ARB2A: variants seen among roughly 807,000 people sequenced by gnomAD.
The protein encoded by ARB2A is cotranscriptional regulator ARB2A.
chr5:93,788,482 T>C, the ARB2A span, among the ~76,000 whole-genome samples: 1 of 152,156 alleles, frequency 6.6e-6, no homozygotes, highest in Non-Finnish European at 1.5e-5. Context: ...CGCACCATGC[T>C]TTCTCTAAGG....
chr5:93,816,292 T>A, the ARB2A span, among the ~76,000 whole-genome samples: 1 of 152,274 alleles, frequency 6.6e-6, no homozygotes, highest in South Asian at 2.1e-4. Flanking sequence ...CTGAAATGTG[T>A]TTTTCTACAT....
the ARB2A span, among the ~76,000 whole-genome samples, chr5:93,775,135 A>G: frequency 4.6e-5 from 7 of 152,152 alleles, no homozygotes; most frequent in Admixed American, 3.9e-4. Context: ...GACTTATAAA[A>G]TTCAGCTGTA....
the ARB2A span, among the ~76,000 whole-genome samples, chr5:94,064,527 T>C: frequency 6.6e-6 from 1 of 152,172 alleles, no homozygotes; most frequent in Admixed American, 6.5e-5. Flanking sequence ...TAAAAAGATC[T>C]TCTCCATCAC....
At chr5:94,027,890 C>T in the ARB2A span, among the ~76,000 whole-genome samples, 4,943 of 152,038 alleles carry the variant, frequency 0.033, 132 homozygotes, top group East Asian at 0.13. Flanking sequence ...TGGGACTGAG[C>T]CCTCAATCTG....
chr5:93,963,177 C>T, the ARB2A span, among the ~76,000 whole-genome samples: 1 of 151,866 alleles, frequency 6.6e-6, no homozygotes, highest in African/African-American at 2.4e-5. Flanking sequence ...CCTGACTTTC[C>T]AGAAGACCAA....
the ARB2A span, among the ~76,000 whole-genome samples, chr5:93,695,039 C>T: frequency 6.6e-6 from 1 of 152,128 alleles, no homozygotes; most frequent in African/African-American, 2.4e-5. Context: ...AAAATTAACT[C>T]AAGATGGATT....
chr5:93,981,585 C>T, the ARB2A span, among the ~76,000 whole-genome samples: 1 of 151,856 alleles, frequency 6.6e-6, no homozygotes, highest in Non-Finnish European at 1.5e-5. Context: ...CATTTACCCT[C>T]CCAATTCTTT....
At chr5:93,917,568 G>T in the ARB2A span, among the ~76,000 whole-genome samples, 1 of 151,962 alleles carries the variant, frequency 6.6e-6, no homozygotes, top group African/African-American at 2.4e-5. Context: ...AAATTATATT[G>T]TTCTTTCCTG....
the ARB2A span, among the ~76,000 whole-genome samples, chr5:94,076,429 T>C: frequency 6.6e-6 from 1 of 152,184 alleles, no homozygotes; most frequent in Non-Finnish European, 1.5e-5. Context: ...CATCCTAGTA[T>C]ATAAGGTAGG....
the ARB2A span, among the ~76,000 whole-genome samples, chr5:94,104,325 C>T: frequency 6.6e-6 from 1 of 150,892 alleles, no homozygotes; most frequent in Non-Finnish European, 1.5e-5. Context: ...GTGAACATTA[C>T]AACTGACCCC....
the ARB2A span, among the ~76,000 whole-genome samples, chr5:93,822,612 A>G: frequency 2.6e-5 from 4 of 152,010 alleles, no homozygotes; most frequent in East Asian, 1.9e-4. Context: ...TATATAATCT[A>G]TATCTATGGA....
At chr5:93,830,311 G>GTATATA in the ARB2A span, among the ~76,000 whole-genome samples, 719 of 82,072 alleles carry the variant, frequency 8.8e-3, 13 homozygotes, top group African/African-American at 0.019. Flanking sequence ...GTGTGTGTGT[G>GTATATA]TATATATATA....
the ARB2A span, among the ~76,000 whole-genome samples, chr5:94,101,976 A>C: frequency 2.6e-5 from 4 of 152,082 alleles, no homozygotes. Flanking sequence ...CCAGGAAAAA[A>C]AAAAGAATAC....
chr5:93,760,977 G>C, the ARB2A span, among the ~76,000 whole-genome samples: 1 of 152,074 alleles, frequency 6.6e-6, no homozygotes, highest in East Asian at 1.9e-4. Flanking sequence ...CCACAGAGTG[G>C]GATAAAATCT....
the ARB2A span, among the ~76,000 whole-genome samples, chr5:93,825,732 C>G: frequency 6.6e-6 from 1 of 151,948 alleles, no homozygotes; most frequent in Non-Finnish European, 1.5e-5. Flanking sequence ...TCAGTGAGCA[C>G]ATTAGAATTA....
At chr5:94,011,437 T>C in the ARB2A span, among the ~76,000 whole-genome samples, 1 of 152,274 alleles carries the variant, frequency 6.6e-6, no homozygotes. Flanking sequence ...AGGGAAGGGA[T>C]GTTTGTATGT....
the ARB2A span, among the ~76,000 whole-genome samples, chr5:93,935,796 A>G: frequency 1.3e-5 from 2 of 152,228 alleles, no homozygotes; most frequent in African/African-American, 2.4e-5. Context: ...ATTCAAAGAC[A>G]ACAGAATCTG....
the ARB2A span, among the ~76,000 whole-genome samples, chr5:94,014,020 T>G: frequency 1.3e-5 from 2 of 152,182 alleles, no homozygotes; most frequent in African/African-American, 4.8e-5. Flanking sequence ...TTGGGGTCCC[T>G]GGCAAAAATC....
chr5:93,956,369 TAGAC>T, the ARB2A span, among the ~76,000 whole-genome samples: 1 of 152,162 alleles, frequency 6.6e-6, no homozygotes, highest in Non-Finnish European at 1.5e-5. Context: ...CCAGTCCAGT[TAGAC>T]AGGGCTCTAC....
Sources: gnomAD v4.1 joint callset for allele counts (sites outside exome capture counted in the v4.1 genomes callset) on GRCh38, gnomAD v4.1.1 for gene constraint, MANE v1.5 for transcripts, NCBI Gene and HGNC (gene_info 2026-07-23, HGNC 2026-07-21) for gene names.